Variants in FOXN3 observed in about 807,000 individuals in gnomAD.
FOXN3 encodes the protein forkhead box protein N3.
A neutral mutation model predicts 38.4 loss-of-function variants in FOXN3; 7 were observed. The ratio of observed to expected loss-of-function variants is 0.18; its 90% CI spans 0.10 to 0.34. FOXN3 has a LOEUF of 0.34. Among genes scored for constraint, FOXN3 ranks in the 10% least tolerant of loss-of-function variants. FOXN3 has a pLI of 1.00. For synonymous variants in FOXN3, 230 were observed against 242.2 expected, an observed-to-expected ratio of 0.95 and a Z score of 0.47; for missense variants, 456 against 613.4, an observed-to-expected ratio of 0.74 and a Z score of 2.71.
intron 1 of FOXN3, among the ~76,000 whole-genome samples, chr14:89,485,869 A>G (rs936964727): frequency 1.3e-5 from 2 of 152,024 alleles, no homozygotes; most frequent in African/African-American, 2.4e-5. Context: ...CTCAAGGCTC[A>G]ATGCCACGCC....
intron 1 of FOXN3, among the ~76,000 whole-genome samples, chr14:89,581,875 A>T (rs1284967897): frequency 4.6e-5 from 7 of 152,064 alleles, no homozygotes; most frequent in Non-Finnish European, 1.0e-4. Flanking sequence ...CTTGACTTTT[A>T]TCCAGTTTCC....
At chr14:89,344,010 C>T (rs1435989317) in intron 3 of FOXN3, among the ~76,000 whole-genome samples, 1 of 152,192 alleles carries the variant, frequency 6.6e-6, no homozygotes, top group Non-Finnish European at 1.5e-5. Flanking sequence ...GATCCACCCA[C>T]CTTGGCCTCC....
chr14:89,192,303 ATAC>A (rs1317536521), intron 4 of FOXN3, among the ~76,000 whole-genome samples: 1 of 146,226 alleles, frequency 6.8e-6, no homozygotes, highest in African/African-American at 2.5e-5. Context: ...TAAACTATGC[ATAC>A]TATTATATAT....
intron 1 of FOXN3, among the ~76,000 whole-genome samples, chr14:89,497,994 C>T (rs1446494411): frequency 6.6e-6 from 1 of 151,954 alleles, no homozygotes. Context: ...TTGCATTTCT[C>T]CCCAATGATT....
intron 1 of FOXN3, among the ~76,000 whole-genome samples, chr14:89,491,829 C>T (rs1161000307): frequency 6.6e-6 from 1 of 152,112 alleles, no homozygotes; most frequent in East Asian, 1.9e-4. Flanking sequence ...ATTTCCTGGC[C>T]CTTTGAATGG....
intron 1 of FOXN3, among the ~76,000 whole-genome samples, chr14:89,595,487 AT>A (rs1896040201): frequency 6.6e-6 from 1 of 152,126 alleles, no homozygotes; most frequent in Admixed American, 6.5e-5. Context: ...ATGTAAATTC[AT>A]GTTCTGATTA....
At chr14:89,270,999 G>C (rs1886137243) in intron 4 of FOXN3, among the ~76,000 whole-genome samples, 1 of 152,176 alleles carries the variant, frequency 6.6e-6, no homozygotes, top group South Asian at 2.1e-4. Context: ...CACTGGTAAA[G>C]GCCTGAGGGC....
chr14:89,231,774 C>T (rs1011113312), intron 4 of FOXN3, among the ~76,000 whole-genome samples: 1 of 152,080 alleles, frequency 6.6e-6, no homozygotes, highest in African/African-American at 2.4e-5. Flanking sequence ...TATGCTGGGG[C>T]ACAAGGCAGA....
chr14:89,572,120 A>G (rs957074396), intron 1 of FOXN3, among the ~76,000 whole-genome samples: 2 of 152,220 alleles, frequency 1.3e-5, no homozygotes, highest in Non-Finnish European at 2.9e-5. Context: ...GTAACAATGG[A>G]ATGGAGGAAA....
Position 89,196,880 on chromosome 14 carries a change from C to G in FOXN3, c.746-16074G>C, listed in dbSNP as rs1259318197. 5.3e-5 allele frequency among the ~76,000 whole-genome samples: 8 copies of G among 152,260 alleles called. 1 individual carries two copies. In the East Asian group the frequency reaches 1.5e-3, roughly 29 times the overall value. On this transcript the variant is annotated intron_variant, in intron 4 of 5. Transcript: ENST00000557258. The stretch of plus-strand genomic sequence containing the variant: ...AAGAATACAAGGCCAGCAGGAAGCC[C>G]CTGGTTCAATCCACACTGCGATATA...
intron 2 of FOXN3, among the ~76,000 whole-genome samples, chr14:89,387,743 T>A (rs1437937151): frequency 6.6e-6 from 1 of 152,136 alleles, no homozygotes; most frequent in African/African-American, 2.4e-5. Flanking sequence ...ACAGAGTTGG[T>A]CTGGGGTATA....
chr14:89,543,799 A>G (rs1174966779), intron 1 of FOXN3, among the ~76,000 whole-genome samples: 1 of 152,232 alleles, frequency 6.6e-6, no homozygotes, highest in Non-Finnish European at 1.5e-5. Context: ...CTAACTTATC[A>G]GAAACACTAG....
intron 4 of FOXN3, among the ~76,000 whole-genome samples, chr14:89,227,959 T>C (rs919671181): frequency 6.6e-6 from 1 of 152,142 alleles, no homozygotes; most frequent in Admixed American, 6.5e-5. Flanking sequence ...AGGCTGGTCT[T>C]GAACTCCGGG....
At chr14:89,508,289 C>T (rs76819536) in intron 1 of FOXN3, among the ~76,000 whole-genome samples, 27 of 152,254 alleles carry the variant, frequency 1.8e-4, no homozygotes, top group African/African-American at 4.8e-4. Context: ...CCCTGCTGAA[C>T]GGAGGAGTGG....
At chr14:89,536,246 G>A (rs1894683746) in intron 1 of FOXN3, among the ~76,000 whole-genome samples, 1 of 152,172 alleles carries the variant, frequency 6.6e-6, no homozygotes, top group Non-Finnish European at 1.5e-5. Flanking sequence ...ACTAGTCCTA[G>A]CTGTGTATCC....
intron 1 of FOXN3, among the ~76,000 whole-genome samples, chr14:89,446,090 A>AAAAAAAAAAAAAC (rs1892489141): frequency 7.1e-6 from 1 of 140,728 alleles, no homozygotes; most frequent in African/African-American, 2.7e-5. Flanking sequence ...CCTGCCTCAA[A>AAAAAAAAAAAAAC]AAAAAAAAAA....
intron 2 of FOXN3, among the ~76,000 whole-genome samples, chr14:89,395,446 A>G (rs991001308): frequency 2.0e-5 from 3 of 152,126 alleles, no homozygotes; most frequent in African/African-American, 7.2e-5. Flanking sequence ...ACAGCATCCA[A>G]GCTTTCTCTC....
At chr14:89,192,635 T>C (rs8008813) in intron 4 of FOXN3, among the ~76,000 whole-genome samples, 2,310 of 142,464 alleles carry the variant, frequency 0.016, 56 homozygotes, top group African/African-American at 0.057. Context: ...ATATAAACTA[T>C]ATAAATCTTA....
intron 2 of FOXN3, among the ~76,000 whole-genome samples, chr14:89,357,801 G>C (rs912868639): frequency 2.6e-5 from 4 of 152,156 alleles, no homozygotes; most frequent in African/African-American, 9.7e-5. Flanking sequence ...ATGTTCTCAT[G>C]ATGATGCAAT....
Sources: allele counts gnomAD v4.1 joint callset (sites outside exome capture counted in the v4.1 genomes callset), GRCh38; gene constraint gnomAD v4.1.1; transcripts MANE v1.5; gene names NCBI Gene and HGNC (gene_info 2026-07-23, HGNC 2026-07-21).